The following CSMD2 variants were observed in gnomAD, a reference collection of about 807,000 sequenced individuals.
CSMD2 encodes the protein CUB and sushi domain-containing protein 2.
CSMD2 carries 130 observed loss-of-function variants against 398.5 expected under a neutral mutation model. The observed-to-expected ratio is 0.33, with a 90% CI of 0.28 to 0.38. CSMD2 has a LOEUF of 0.38. Among genes scored for constraint, CSMD2 ranks in the 10% least tolerant of loss-of-function variants. The probability of loss-of-function intolerance (pLI) is 1.00; values close to 1 mark genes in which losing one functional copy is unlikely to be tolerated. For synonymous variants in CSMD2, 1,828 were observed against 1,908.5 expected, an observed-to-expected ratio of 0.96 and a Z score of 1.10; for missense variants, 3,829 against 4,764.9, an observed-to-expected ratio of 0.80 and a Z score of 5.78.
At chr1:34,068,127 G>C (rs532583693) in intron 2 of CSMD2, among the ~76,000 whole-genome samples, 31 of 152,318 alleles carry the variant, frequency 2.0e-4, no homozygotes, top group South Asian at 1.9e-3. Flanking sequence ...TTCACAGCCT[G>C]AGTGCCACCA....
chr1:34,111,090 C>T (rs933463215), intron 1 of CSMD2, among the ~76,000 whole-genome samples: 2 of 152,138 alleles, frequency 1.3e-5, no homozygotes, highest in African/African-American at 4.8e-5. Flanking sequence ...AGAATATTTA[C>T]TTCACAAGAG....
chr1:34,075,121 G>A (rs1275822279), intron 2 of CSMD2, among the ~76,000 whole-genome samples: 2 of 152,248 alleles, frequency 1.3e-5, no homozygotes, highest in Non-Finnish European at 2.9e-5. Context: ...ATTACCATGA[G>A]AGCATGAACA....
chr1:33,806,360 A>G (rs1656230606), intron 10 of CSMD2, among the ~76,000 whole-genome samples: 1 of 152,200 alleles, frequency 6.6e-6, no homozygotes, highest in Non-Finnish European at 1.5e-5. Flanking sequence ...TGAAACCTCC[A>G]TACTGAGAAT....
At chr1:34,094,951 T>C (rs1027345623) in intron 1 of CSMD2, among the ~76,000 whole-genome samples, 1 of 144,750 alleles carries the variant, frequency 6.9e-6, no homozygotes, top group African/African-American at 2.6e-5. Context: ...ATCAACAGAA[T>C]ATACATTTTT....
At chr1:34,104,362 T>C (rs553200187) in intron 1 of CSMD2, among the ~76,000 whole-genome samples, 1 of 152,374 alleles carries the variant, frequency 6.6e-6, no homozygotes, top group South Asian at 2.1e-4. Flanking sequence ...CAAATAATGA[T>C]AATTTTAAGG....
intron 3 of CSMD2, among the ~76,000 whole-genome samples, chr1:33,941,685 G>A (rs527351081): frequency 4.6e-5 from 7 of 152,110 alleles, no homozygotes; most frequent in Middle Eastern, 3.4e-3. Context: ...TATTTTTAGC[G>A]GTTTGGCCTT....
rs148025984 is a variant in CSMD2, at chr1:34,015,097, C to T, written c.517+17497G>A. On this transcript the variant is annotated intron_variant, in intron 3 of 70. Transcript: ENST00000373381. ...CCTGTATCTTACCCCTCATTTGAGA[C>T]GGACACAGAAGCTTTAGGAGAAGTG... Among the ~76,000 whole-genome samples, 1,281 of 152,328 alleles carry T rather than the reference C, an allele frequency of 8.4e-3. 12 individuals carry two copies. The highest frequency in any genetic ancestry group is 0.028 in the African/African-American group (1,162 of 41,574).
chr1:33,523,382 C>G lies in CSMD2; in HGVS notation c.10434G>C (p.Gln3478His). ...YKKEDFHLLLQVYQITGPVEI... is the reference protein window; with the variant it reads ...YKKEDFHLLLHVYQITGPVEI... Reference sequence around the variant, plus strand: ...CCACAGGCCCTGTAATCTGGTACACCTGGAGTAGGAGATGAAAATCTTCTT... The same window carrying G: ...CCACAGGCCCTGTAATCTGGTACACGTGGAGTAGGAGATGAAAATCTTCTT... The change falls in exon 67 of 71, where the codon CAG becomes CAC. Residue 3478 changes from glutamine to histidine, a missense_variant. Gln to His is a conservative substitution (Grantham distance 24). Transcript: ENST00000373381. 1 of 1,582,622 alleles carries G rather than the reference C, an allele frequency of 6.3e-7. No homozygotes were observed. Among genetic ancestry groups the G allele is most frequent in the South Asian group, 1.1e-5 (1 of 89,460 alleles).
At chr1:33,879,688 G>C (rs1195381516) in intron 5 of CSMD2, among the ~76,000 whole-genome samples, 1 of 152,130 alleles carries the variant, frequency 6.6e-6, no homozygotes, top group Admixed American at 6.5e-5. Context: ...CATGAGCATT[G>C]GTTTTAGATG....
Position 33,518,227 on chromosome 1 carries a change from G to A in CSMD2, c.*53+1238C>T, listed in dbSNP as rs1054641115. Among the ~76,000 whole-genome samples the A allele has an allele frequency of 2.6e-5, 4 of 152,260 alleles. No individual in the cohort carries two copies. Among genetic ancestry groups the A allele is most frequent in the African/African-American group, 9.6e-5 (4 of 41,480 alleles). Reference sequence around the variant, plus strand: ...GGGAGAAGACAGTTCTCAGAGGGGTGCAGCTTGGACATCGTGTTGGGGCAA... The same window carrying A: ...GGGAGAAGACAGTTCTCAGAGGGGTACAGCTTGGACATCGTGTTGGGGCAA... On this transcript the variant is annotated intron_variant, in intron 70 of 70. Coordinates refer to ENST00000373381, the MANE Select transcript of CSMD2 (RefSeq NM_001281956.2). This position sits in a 1 kb window ranked among gnomAD's most constrained non-coding sequence, Gnocchi z 4.3.
intron 5 of CSMD2, chr1:33,873,433 T>C (rs747404413): frequency 7.2e-5 from 11 of 152,190 alleles, no homozygotes; most frequent in Non-Finnish European, 1.3e-4. Flanking sequence ...TTCTAAAGAA[T>C]AGAATACAGA....
rs530456429 is a variant in CSMD2 at position 33,985,094 on chromosome 1, G to A, written c.517+47500C>T. 5.9e-5 allele frequency among the ~76,000 whole-genome samples: 9 copies of A among 152,302 alleles called. 1 individual carries two copies. The highest frequency in any genetic ancestry group is 2.6e-4 in the Admixed American group (4 of 15,306). On this transcript the variant is annotated intron_variant, in intron 3 of 70. Transcript: ENST00000373381. ...GGACCTCAGAATCCATCATATTCAA[G>A]CCAAGTGTGTGCAGTAACGCAATGC...
At chr1:33,861,574 G>C (rs1245288779) in intron 5 of CSMD2, among the ~76,000 whole-genome samples, 2 of 152,146 alleles carry the variant, frequency 1.3e-5, no homozygotes, top group African/African-American at 4.8e-5. Context: ...CCAGGCACTT[G>C]GATCTCCAGA....
intron 44 of CSMD2, chr1:33,600,292 G>C: frequency 3.2e-6 from 2 of 632,692 alleles, no homozygotes; most frequent in South Asian, 3.8e-5. Context: ...CAAGTCCACA[G>C]AGAACATTCT....
chr1:33,521,584 A>C (rs1367684482), intron 67 of CSMD2, 34 bp from the exon 68 acceptor site: 1 of 1,365,880 alleles, frequency 7.3e-7, no homozygotes. Flanking sequence ...AGCAGGTGGG[A>C]GGCTGCTGGA....
intron 44 of CSMD2, chr1:33,598,911 T>C (rs1640019565): frequency 6.6e-6 from 1 of 152,276 alleles, no homozygotes; most frequent in African/African-American, 2.4e-5. Context: ...CCTCAGGCGA[T>C]CCGCCCACCT....
In CSMD2 at chr1:33,625,066, CT is replaced by C. The variant is rs1314890540; in HGVS notation, c.5484del (p.Ala1829ArgfsTer54). The part of the protein sequence containing the change: ...VPGALAQWNV[S>X]APTCVVPCGG... ...GGTTACTCACCCACACACGTGGGCGCTGAGACATTCCATTGGGCCAAGGCCC... is the reference window on the plus strand; with the variant it reads ...GGTTACTCACCCACACACGTGGGCGCGAGACATTCCATTGGGCCAAGGCCC... On this transcript the variant is annotated frameshift_variant, in exon 34 of 71. Coordinates refer to ENST00000373381, the MANE Select transcript of CSMD2 (RefSeq NM_001281956.2). LOFTEE classifies it high-confidence loss of function. 6.2e-7 allele frequency: 1 copy of C among 1,614,038 alleles called. No homozygotes were observed. Among genetic ancestry groups the C allele is most frequent in the Non-Finnish European group, 8.5e-7 (1 of 1,180,008 alleles).
chr1:34,003,113 T>C lies in CSMD2; in HGVS notation c.517+29481A>G, dbSNP rs530531099. ...AGCTCCAAGGGTACTCTCCTGCCTC[T>C]TCACACCAACTCCCTCCTTCCTTCT... On this transcript the variant is annotated intron_variant, in intron 3 of 70. Transcript: ENST00000373381. Among the ~76,000 whole-genome samples, 3 of 152,236 alleles carry C rather than the reference T, an allele frequency of 2.0e-5. No homozygotes were observed. In the South Asian group the frequency reaches 6.2e-4, roughly 32 times the overall value.
intron 5 of CSMD2, among the ~76,000 whole-genome samples, chr1:33,904,775 T>C (rs968768011): frequency 1.3e-5 from 2 of 152,112 alleles, no homozygotes; most frequent in Non-Finnish European, 2.9e-5. Flanking sequence ...TTCTCCTGAG[T>C]AGCTAGGACT....
Sources: allele counts gnomAD v4.1 joint callset (sites outside exome capture counted in the v4.1 genomes callset), GRCh38; gene constraint gnomAD v4.1.1; non-coding constraint Gnocchi (gnomAD v3.1); transcripts MANE v1.5; gene names NCBI Gene and HGNC (gene_info 2026-07-23, HGNC 2026-07-21).